Variants in STK32B observed in about 807,000 individuals in gnomAD.
STK32B encodes the protein serine/threonine kinase 32B.
Under a neutral mutation model 52.6 loss-of-function variants are expected in STK32B, and 43 were observed. The ratio of observed to expected loss-of-function variants is 0.82; its 90% CI spans 0.64 to 1.05. The LOEUF is 1.05. STK32B is among the 50% of genes least tolerant of loss of function. The pLI is 0.00. For synonymous variants in STK32B, 238 were observed against 204.3 expected (o/e 1.17, Z -1.41); for missense variants, 621 against 534.6 (o/e 1.16, Z -1.59).
intron 4 of STK32B, among the ~76,000 whole-genome samples, chr4:5,334,854 T>C (rs1183179901): frequency 1.3e-5 from 2 of 152,086 alleles, no homozygotes; most frequent in East Asian, 1.9e-4. Context: ...ATAAGCTTTT[T>C]GATGTGCTGC....
chr4:5,122,964 C>T (rs968187565), intron 1 of STK32B, among the ~76,000 whole-genome samples: 4 of 152,204 alleles, frequency 2.6e-5, no homozygotes, highest in Admixed American at 2.0e-4. Flanking sequence ...GCTCCACCTG[C>T]ACCAGCTCAT....
At chr4:5,110,703 A>T (rs952453840) in intron 1 of STK32B, among the ~76,000 whole-genome samples, 1 of 152,154 alleles carries the variant, frequency 6.6e-6, no homozygotes, top group African/African-American at 2.4e-5. Context: ...CAGCCTAGGC[A>T]AATAATTTAT....
chr4:5,336,368 T>G (rs1732694582), intron 4 of STK32B, among the ~76,000 whole-genome samples: 3 of 151,986 alleles, frequency 2.0e-5, no homozygotes, highest in African/African-American at 7.3e-5. Flanking sequence ...CCCAATTAAG[T>G]TAATGACATC....
At chr4:5,405,844 G>A (rs1377990029) in intron 5 of STK32B, among the ~76,000 whole-genome samples, 1 of 152,134 alleles carries the variant, frequency 6.6e-6, no homozygotes, top group Non-Finnish European at 1.5e-5. Flanking sequence ...GATTTGGACA[G>A]AAACACAGAC....
intron 3 of STK32B, among the ~76,000 whole-genome samples, chr4:5,184,684 CAA>C (rs1553846538): frequency 1.9e-5 from 2 of 105,394 alleles, no homozygotes; most frequent in Non-Finnish European, 3.9e-5. Flanking sequence ...GAGACTGTCT[CAA>C]AAAAAAAAAA....
intron 11 of STK32B, among the ~76,000 whole-genome samples, chr4:5,473,325 A>C (rs149795958): frequency 2.2e-3 from 331 of 152,320 alleles, no homozygotes; most frequent in African/African-American, 6.7e-3. Flanking sequence ...TGCTTTGCAC[A>C]AGTGGGTGGC....
intron 3 of STK32B, among the ~76,000 whole-genome samples, chr4:5,276,490 T>C (rs888883846): frequency 1.3e-5 from 2 of 152,154 alleles, no homozygotes; most frequent in African/African-American, 4.8e-5. Flanking sequence ...ATGTGATGTT[T>C]CCAGTGTCTC....
intron 1 of STK32B, among the ~76,000 whole-genome samples, chr4:5,052,278 G>T (rs1741819754): frequency 6.6e-6 from 1 of 152,168 alleles, no homozygotes; most frequent in Non-Finnish European, 1.5e-5. Context: ...TTCCTTGAGA[G>T]CCTGAGGCTG....
chr4:5,431,494 A>G lies in STK32B; in HGVS notation c.562+14560A>G, dbSNP rs190758194. Among the ~76,000 whole-genome samples, 191 of 123,980 alleles carry G rather than the reference A, an allele frequency of 1.5e-3. 7 individuals carry two copies. Among genetic ancestry groups the G allele is most frequent in the Non-Finnish European group, 1.2e-3 (75 of 62,132 alleles). 81.3% of individuals were successfully genotyped at this position (123,980 alleles called of 152,430 possible). A position where few individuals can be genotyped will look rare whatever the true frequency, so the allele number is the denominator to read the frequency against. On this transcript the variant is annotated intron_variant, in intron 6 of 11. Transcript: ENST00000282908. ...CCAGTTAGAACATCATTTCTCCATG[A>G]AAACTTCCAAAAGTCCTTTTTTTTT...
intron 1 of STK32B, among the ~76,000 whole-genome samples, chr4:5,117,910 G>A (rs918294458): frequency 1.3e-5 from 2 of 152,114 alleles, no homozygotes; most frequent in African/African-American, 4.8e-5. Flanking sequence ...AATCATATTT[G>A]ATCACAGTGA....
At chr4:5,429,878 T>C (rs868624856) in intron 6 of STK32B, among the ~76,000 whole-genome samples, 20 of 152,254 alleles carry the variant, frequency 1.3e-4, no homozygotes, top group South Asian at 1.0e-3. Context: ...GGTTTTTTTT[T>C]CCTTAGTCAC....
At chr4:5,090,836 G>A (rs1320855700) in intron 1 of STK32B, among the ~76,000 whole-genome samples, 1 of 152,128 alleles carries the variant, frequency 6.6e-6, no homozygotes, top group African/African-American at 2.4e-5. Context: ...GATGTGTGGT[G>A]TTATTTCTGA....
intron 4 of STK32B, among the ~76,000 whole-genome samples, chr4:5,340,347 T>C (rs1436153551): frequency 6.6e-6 from 1 of 152,196 alleles, no homozygotes; most frequent in Non-Finnish European, 1.5e-5. Flanking sequence ...TAAGGCTTCC[T>C]CTGCCACAGT....
chr4:5,227,244 A>T (rs1362909127), intron 3 of STK32B, among the ~76,000 whole-genome samples: 1 of 152,242 alleles, frequency 6.6e-6, no homozygotes, highest in Non-Finnish European at 1.5e-5. Context: ...ACAGAATCCG[A>T]AATCATGTCA....
In STK32B at chr4:5,054,298, G is replaced by A. The variant is rs373699393; in HGVS notation, c.52+2383G>A. Among the ~76,000 whole-genome samples, 7 of 152,298 alleles carry A rather than the reference G, an allele frequency of 4.6e-5. No homozygotes were observed. In the East Asian group the frequency reaches 5.8e-4, roughly 13 times the overall value. On this transcript the variant is annotated intron_variant, in intron 1 of 11. Coordinates refer to ENST00000282908, the MANE Select transcript of STK32B (RefSeq NM_018401.3). ...ACACAGGGTGTGTAAGTGCCCTGAC[G>A]TGGGTGAGCTCAGGCGACTGATATC...
intron 1 of STK32B, among the ~76,000 whole-genome samples, chr4:5,116,825 G>A (rs947076601): frequency 4.0e-5 from 6 of 149,006 alleles, no homozygotes; most frequent in Admixed American, 1.3e-4. Flanking sequence ...TTTCATCAAT[G>A]ACTTACACAG....
intron 7 of STK32B, among the ~76,000 whole-genome samples, chr4:5,455,910 A>G (rs1271958587): frequency 6.6e-6 from 1 of 152,166 alleles, no homozygotes; most frequent in Non-Finnish European, 1.5e-5. Flanking sequence ...TTTCTCCAGG[A>G]TCAGTTTGTT....
chr4:5,474,570 A>C (rs1209395885), intron 11 of STK32B, among the ~76,000 whole-genome samples: 5 of 152,088 alleles, frequency 3.3e-5, no homozygotes, highest in African/African-American at 1.2e-4. Context: ...TTCCCCACAA[A>C]CCTCACTGCT....
At chr4:5,444,041 C>T (rs1272183411) in intron 6 of STK32B, among the ~76,000 whole-genome samples, 5 of 152,198 alleles carry the variant, frequency 3.3e-5, no homozygotes, top group Non-Finnish European at 7.3e-5. Flanking sequence ...GCAGAGGTTA[C>T]TACTGTCTTT....
Sources: allele counts gnomAD v4.1 joint callset (sites outside exome capture counted in the v4.1 genomes callset), GRCh38; gene constraint gnomAD v4.1.1; transcripts MANE v1.5; gene names NCBI Gene and HGNC (gene_info 2026-07-23, HGNC 2026-07-21).